TBC1D9: variants seen among roughly 807,000 people sequenced by gnomAD.
TBC1D9 encodes TBC1 domain family member 9A.
A neutral mutation model predicts 132.0 loss-of-function variants in TBC1D9; 63 were observed. The ratio of observed to expected loss-of-function variants is 0.48; its 90% confidence interval spans 0.39 to 0.59. TBC1D9 has a LOEUF of 0.59. Ranked by LOEUF, TBC1D9 falls within the 20% of genes least tolerant of loss-of-function variation. TBC1D9 has a pLI of 0.00. For synonymous variants in TBC1D9, 610 were observed against 609.9 expected (o/e 1.00, Z 0.00); for missense variants, 1,261 against 1,592.7 (o/e 0.79, Z 3.54).
chr4:140,624,204 G>A lies in TBC1D9; in HGVS notation c.2990C>T (p.Ser997Phe), dbSNP rs945067426. 8.7e-6 allele frequency: 14 copies of A among 1,611,538 alleles called. No individual in the cohort carries two copies. Among genetic ancestry groups the A allele is most frequent in the Non-Finnish European group, 1.2e-5 (14 of 1,178,712 alleles). The change falls in exon 20 of 21, where the codon TCC becomes TTC. Residue 997 changes from serine to phenylalanine, a missense_variant. Ser to Phe is a radical substitution (Grantham distance 155, BLOSUM62 -2). Transcript: ENST00000442267. ...TCTCAAATAATTACGATTTTCTTGG[G>A]AATTTGCTCTCTTCCCTACAACCCA... ...LKPDKGKRAN[S>F]QENRNYLRLW...
At chr4:140,643,528 C>T (rs1578820943) in intron 13 of TBC1D9, 5 of 870,362 alleles carry the variant, frequency 5.7e-6, no homozygotes, top group Admixed American at 2.1e-5. Context: ...TCTCCCTCCC[C>T]GGCGGGCACG....
At chr4:140,694,329 G>C (rs1169710993) in intron 2 of TBC1D9, among the ~76,000 whole-genome samples, 1 of 151,994 alleles carries the variant, frequency 6.6e-6, no homozygotes, top group South Asian at 2.1e-4. Flanking sequence ...CTAGCACTTC[G>C]GGAGGCCGAG....
chr4:140,671,286 C>T (rs1413201433), intron 6 of TBC1D9, among the ~76,000 whole-genome samples: 1 of 152,144 alleles, frequency 6.6e-6, no homozygotes, highest in African/African-American at 2.4e-5. Flanking sequence ...TGCTGCTAAA[C>T]ATCCTACGAC....
chr4:140,748,426 G>A (rs1738871665), intron 1 of TBC1D9, among the ~76,000 whole-genome samples: 1 of 150,942 alleles, frequency 6.6e-6, no homozygotes, highest in Admixed American at 6.6e-5. Flanking sequence ...ATGAAGGAAA[G>A]GCCATATTTG....
At chr4:140,717,470 T>G (rs960761994) in intron 1 of TBC1D9, among the ~76,000 whole-genome samples, 9 of 152,214 alleles carry the variant, frequency 5.9e-5, no homozygotes, top group African/African-American at 2.2e-4. Context: ...CCATGCATAA[T>G]CCTTTTAGAC....
chr4:140,664,298 G>C (rs4490532), intron 9 of TBC1D9, among the ~76,000 whole-genome samples: 5 of 152,132 alleles, frequency 3.3e-5, no homozygotes, highest in Admixed American at 6.5e-5. Flanking sequence ...ACACATGTAA[G>C]AGTTGCACAC....
At chr4:140,714,203 TA>T (rs770512428) in intron 1 of TBC1D9, among the ~76,000 whole-genome samples, 10 of 152,200 alleles carry the variant, frequency 6.6e-5, no homozygotes, top group Admixed American at 2.0e-4. Flanking sequence ...TCAAGCTCTG[TA>T]AAATATTTAA....
intron 13 of TBC1D9, among the ~76,000 whole-genome samples, chr4:140,652,320 A>G (rs1737199802): frequency 6.6e-6 from 1 of 151,834 alleles, no homozygotes; most frequent in African/African-American, 2.4e-5. Flanking sequence ...GGTCTTTCCC[A>G]TATACAACCA....
intron 13 of TBC1D9, among the ~76,000 whole-genome samples, chr4:140,641,089 G>C (rs1479327731): frequency 2.6e-4 from 4 of 15,166 alleles, no homozygotes; most frequent in African/African-American, 1.5e-3. Flanking sequence ...ATAATACTAA[G>C]CAAAAAAAAA....
intron 13 of TBC1D9, among the ~76,000 whole-genome samples, chr4:140,650,399 T>G (rs1295769159): frequency 6.6e-6 from 1 of 152,210 alleles, no homozygotes; most frequent in Non-Finnish European, 1.5e-5. Context: ...CTGTCAACTC[T>G]AGCAGGCTCC....
chr4:140,736,192 A>AG (rs1424522683), intron 1 of TBC1D9, among the ~76,000 whole-genome samples: 1 of 151,824 alleles, frequency 6.6e-6, no homozygotes, highest in Non-Finnish European at 1.5e-5. Context: ...GGAGAGAGTG[A>AG]GGGGGAAGGA....
At chr4:140,731,364 C>T (rs1738587039) in intron 1 of TBC1D9, among the ~76,000 whole-genome samples, 1 of 151,928 alleles carries the variant, frequency 6.6e-6, no homozygotes, top group South Asian at 2.1e-4. Context: ...TCTCACTGCC[C>T]AAATCCAGAA....
intron 2 of TBC1D9, among the ~76,000 whole-genome samples, chr4:140,690,160 T>G (rs1321855698): frequency 6.6e-6 from 1 of 152,104 alleles, no homozygotes; most frequent in Non-Finnish European, 1.5e-5. Context: ...AACATCTAAC[T>G]TGTACCTCCA....
At chr4:140,633,701 G>C (rs1736832496) in intron 16 of TBC1D9, among the ~76,000 whole-genome samples, 1 of 151,722 alleles carries the variant, frequency 6.6e-6, no homozygotes, top group Non-Finnish European at 1.5e-5. Flanking sequence ...TCTCGTCTGT[G>C]GTTTCAGTGT....
At chr4:140,655,840 G>T (rs1737259040) in intron 13 of TBC1D9, among the ~76,000 whole-genome samples, 1 of 152,100 alleles carries the variant, frequency 6.6e-6, no homozygotes, top group Non-Finnish European at 1.5e-5. Flanking sequence ...AAGTGTCTCA[G>T]ACTATCTACT....
chr4:140,677,443 C>A (rs551421172), intron 5 of TBC1D9, among the ~76,000 whole-genome samples: 5 of 152,110 alleles, frequency 3.3e-5, no homozygotes, highest in Non-Finnish European at 7.3e-5. Flanking sequence ...CTTATCCAAG[C>A]CACTTTAGGG....
intron 1 of TBC1D9, among the ~76,000 whole-genome samples, chr4:140,714,014 A>C (rs945613307): frequency 7.2e-5 from 11 of 152,218 alleles, no homozygotes; most frequent in Admixed American, 5.2e-4. Flanking sequence ...CAAAAATCAG[A>C]ATCGGTAACC....
intron 1 of TBC1D9, among the ~76,000 whole-genome samples, chr4:140,728,690 A>T (rs1471966411): frequency 6.8e-6 from 1 of 146,462 alleles, no homozygotes; most frequent in Non-Finnish European, 1.5e-5. Flanking sequence ...TGAGAAGGAG[A>T]CTGGCTCTGT....
rs1035449862 is a variant in TBC1D9, at chr4:140,670,904, T to C, written c.1082A>G (p.Asp361Gly). ...LREVTIVEKA[D>G]SSSVLPSPLS... ...GGGACTGGGGAGCACACTGGAGCTG[T>C]CTGCCTTTTCCACAATTGTCACCTG... Residue 361 changes from aspartate (D) to glycine (G), a missense_variant, in exon 7 of 21, where the codon GAC (aspartate) becomes GGC (glycine). Asp to Gly is a moderately conservative substitution (Grantham distance 94). Around this residue, in one of 3 missense-constraint regions of TBC1D9, gnomAD observed 550 missense variants for 699.0 expected, o/e 0.79. Transcript: ENST00000442267. 4 of 1,613,894 alleles carry C rather than the reference T, an allele frequency of 2.5e-6. No individual in the cohort carries two copies. Among genetic ancestry groups the C allele is most frequent in the Non-Finnish European group, 3.4e-6 (4 of 1,179,888 alleles).
Sources: gnomAD v4.1 joint callset for allele counts (sites outside exome capture counted in the v4.1 genomes callset) on GRCh38, gnomAD v4.1.1 for gene constraint, gnomAD v4.1.1 regional missense constraint, MANE v1.5 for transcripts, NCBI Gene and HGNC (gene_info 2026-07-23, HGNC 2026-07-21) for gene names.